The following NTM variants were observed in gnomAD, a reference collection of about 807,000 sequenced individuals.
The protein encoded by NTM is neurotrimin.
A neutral mutation model predicts 42.1 loss-of-function variants in NTM; 13 were observed. The ratio of observed to expected loss-of-function variants is 0.31; its 90% CI spans 0.20 to 0.49. The LOEUF is 0.49. NTM is among the 20% of genes least tolerant of loss of function. The probability of loss-of-function intolerance (pLI) is 0.99; values close to 1 mark genes in which losing one functional copy is unlikely to be tolerated. For synonymous variants in NTM, 187 were observed against 179.2 expected, an observed-to-expected ratio of 1.04 and a Z score of -0.35; for missense variants, 373 against 452.8, an observed-to-expected ratio of 0.82 and a Z score of 1.60.
chr11:131,894,196 C>T (rs774824057), intron 1 of NTM, among the ~76,000 whole-genome samples: 4 of 152,150 alleles, frequency 2.6e-5, no homozygotes, highest in African/African-American at 9.7e-5. Flanking sequence ...TCTCTTCAAC[C>T]GCCAGCCACA....
chr11:132,139,981 CAT>C (rs1251482362), intron 2 of NTM, among the ~76,000 whole-genome samples: 1 of 152,160 alleles, frequency 6.6e-6, no homozygotes. Context: ...GAAAGCAGTA[CAT>C]GTTATAGACT....
chr11:131,684,349 C>T (rs1439749172), intron 1 of NTM, among the ~76,000 whole-genome samples: 7 of 152,174 alleles, frequency 4.6e-5, no homozygotes, highest in Non-Finnish European at 8.8e-5. Flanking sequence ...TATAGTCACA[C>T]ACCCCCTCCC....
chr11:132,255,780 T>C lies in NTM; in HGVS notation c.526+43633T>C, dbSNP rs1288487504. 2.0e-5 allele frequency among the ~76,000 whole-genome samples: 3 copies of C among 152,102 alleles called. No homozygotes were observed. In the East Asian group the frequency reaches 5.8e-4, roughly 29 times the overall value. On this transcript the variant is annotated intron_variant, in intron 4 of 8. Transcript: ENST00000683400. ...CTCTGCTTTCCATGCAGCTCTGCCT[T>C]CCACTTGGGTGCCCACTTCCATTCC...
chr11:132,220,160 G>A (rs895475204), intron 4 of NTM, among the ~76,000 whole-genome samples: 2 of 152,202 alleles, frequency 1.3e-5, no homozygotes, highest in Admixed American at 6.5e-5. Context: ...GTGAAACATA[G>A]AGCATTAGGT....
intron 1 of NTM, among the ~76,000 whole-genome samples, chr11:131,611,340 A>G (rs2061448220): frequency 6.6e-6 from 1 of 152,238 alleles, no homozygotes; most frequent in African/African-American, 2.4e-5. Context: ...TTGAGCTTCA[A>G]ATAACACCTT....
chr11:131,675,311 A>ATT (rs2134703011), intron 1 of NTM, among the ~76,000 whole-genome samples: 1 of 152,310 alleles, frequency 6.6e-6, no homozygotes, highest in African/African-American at 2.4e-5. Context: ...GGTTTTCCCA[A>ATT]CACATTTTTA....
Position 132,103,178 on chromosome 11 carries a change from C to T in NTM, c.168-43104C>T, listed in dbSNP as rs764986534. Among the ~76,000 whole-genome samples the T allele has an allele frequency of 9.2e-5, 14 of 152,228 alleles. No homozygotes were observed. The East Asian group carries it at 9.6e-4, about 10-fold the overall frequency. ...GGCGCAGGCAGCACCTCCTCCTCAC[C>T]GGCCTCTCTCCAGGCTTATGTAAGA... On this transcript the variant is annotated intron_variant, in intron 2 of 8. Coordinates refer to ENST00000683400, the MANE Select transcript of NTM (RefSeq NM_001352005.2).
chr11:131,573,315 CA>C (rs1324300721), intron 1 of NTM, among the ~76,000 whole-genome samples: 2 of 152,176 alleles, frequency 1.3e-5, no homozygotes, highest in Non-Finnish European at 2.9e-5. Flanking sequence ...TGCTCATTTG[CA>C]AGATTTCTGT....
chr11:131,729,280 A>G (rs1036584700), intron 1 of NTM, among the ~76,000 whole-genome samples: 12 of 152,276 alleles, frequency 7.9e-5, no homozygotes, highest in African/African-American at 2.6e-4. Flanking sequence ...ATTAGACACA[A>G]CGGGTATTTG....
At chr11:132,203,911 A>G (rs1445964670) in intron 3 of NTM, among the ~76,000 whole-genome samples, 1 of 85,566 alleles carries the variant, frequency 1.2e-5, no homozygotes, top group African/African-American at 5.5e-5. Flanking sequence ...AAAACAAAAA[A>G]CAGCAACAAC....
intron 1 of NTM, among the ~76,000 whole-genome samples, chr11:131,776,191 T>C (rs2086938895): frequency 2.0e-5 from 3 of 152,244 alleles, no homozygotes; most frequent in African/African-American, 2.4e-5. Context: ...TGAGAAATTT[T>C]AGTAGACATT....
intron 1 of NTM, among the ~76,000 whole-genome samples, chr11:131,737,625 G>T (rs2080643466): frequency 6.6e-6 from 1 of 152,132 alleles, no homozygotes; most frequent in African/African-American, 2.4e-5. Context: ...TCTGGGTTTT[G>T]CAATGTCCGT....
chr11:132,159,114 G>A (rs1566330212), intron 3 of NTM, among the ~76,000 whole-genome samples: 1 of 152,188 alleles, frequency 6.6e-6, no homozygotes, highest in Non-Finnish European at 1.5e-5. Flanking sequence ...TTTTGCAGCA[G>A]GGAGACTGAG....
chr11:131,750,174 A>G (rs775585315), intron 1 of NTM, among the ~76,000 whole-genome samples: 3 of 152,202 alleles, frequency 2.0e-5, no homozygotes, highest in African/African-American at 4.8e-5. Context: ...CCAAATACTT[A>G]CCTTGCATTT....
rs576917886 is a variant in NTM at position 131,842,119 on chromosome 11, G to A, written c.83-69445G>A. 3.9e-5 allele frequency among the ~76,000 whole-genome samples: 6 copies of A among 152,300 alleles called. No individual in the cohort carries two copies. In the South Asian group the frequency reaches 6.2e-4, roughly 16 times the overall value. ...ACCTCAGTGGAGTCAGAGGTTAGAG[G>A]AGCTCCTTTACAGAGCTCTAAAGGC... On this transcript the variant is annotated intron_variant, in intron 1 of 8. Transcript: ENST00000683400.
At chr11:131,947,650 C>T (rs371905965) in intron 2 of NTM, among the ~76,000 whole-genome samples, 5 of 152,014 alleles carry the variant, frequency 3.3e-5, no homozygotes, top group East Asian at 1.9e-4. Flanking sequence ...TCATTTTTTT[C>T]AATTTATTTA....
intron 2 of NTM, among the ~76,000 whole-genome samples, chr11:132,006,628 A>G (rs2070854174): frequency 6.6e-6 from 1 of 152,228 alleles, no homozygotes; most frequent in African/African-American, 2.4e-5. Context: ...CACCTATTCT[A>G]AATTCAGGAG....
At chr11:131,783,238 T>C (rs1292993347) in intron 1 of NTM, among the ~76,000 whole-genome samples, 1 of 152,138 alleles carries the variant, frequency 6.6e-6, no homozygotes, top group Non-Finnish European at 1.5e-5. Flanking sequence ...TCCAAAAGCA[T>C]AAAATATTTA....
At chr11:132,184,362 C>T (rs1263390066) in intron 3 of NTM, among the ~76,000 whole-genome samples, 1 of 152,184 alleles carries the variant, frequency 6.6e-6, no homozygotes, top group Admixed American at 6.5e-5. Flanking sequence ...CTTTGTGCTT[C>T]CTTGGCACAG....
Sources: gnomAD v4.1 joint callset for allele counts (sites outside exome capture counted in the v4.1 genomes callset) on GRCh38, gnomAD v4.1.1 for gene constraint, MANE v1.5 for transcripts, NCBI Gene and HGNC (gene_info 2026-07-23, HGNC 2026-07-21) for gene names.